Variants in TAF3 observed in about 807,000 individuals in gnomAD.
TAF3 encodes TATA-box binding protein associated factor 3.
A neutral mutation model predicts 80.6 loss-of-function variants in TAF3; 7 were observed. The ratio of observed to expected loss-of-function variants is 0.09; its 90% CI spans 0.05 to 0.16. The LOEUF is 0.16. Ranked by LOEUF, TAF3 falls within the 10% of genes least tolerant of loss-of-function variation. TAF3 has a pLI of 1.00. For missense variants in TAF3, 921 were observed against 1,140.2 expected (o/e 0.81, Z 2.77); for synonymous variants, 444 against 446.1 (o/e 1.00, Z 0.06).
chr10:7,945,507 C>A (rs530399954), intron 2 of TAF3, among the ~76,000 whole-genome samples: 3 of 152,190 alleles, frequency 2.0e-5, no homozygotes, highest in African/African-American at 7.2e-5. Context: ...ATCTTCCCTT[C>A]TTCTAGTTAA....
At chr10:7,943,041 G>A (rs191313276) in intron 2 of TAF3, among the ~76,000 whole-genome samples, 4 of 152,262 alleles carry the variant, frequency 2.6e-5, no homozygotes, top group African/African-American at 7.2e-5. Flanking sequence ...GTTTCTTTCT[G>A]TGTCTGTGTT....
At chr10:7,855,849 G>A (rs943345361) in intron 2 of TAF3, among the ~76,000 whole-genome samples, 1 of 151,768 alleles carries the variant, frequency 6.6e-6, no homozygotes, top group Admixed American at 6.6e-5. Flanking sequence ...AGGGAGGTAA[G>A]AGGCGGGAGG....
chr10:7,877,371 T>C (rs979182535), intron 2 of TAF3, among the ~76,000 whole-genome samples: 3 of 152,180 alleles, frequency 2.0e-5, no homozygotes, highest in African/African-American at 7.2e-5. Flanking sequence ...TAATAATTTC[T>C]CAATATTTTA....
chr10:7,891,237 T>A (rs1361950918), intron 2 of TAF3, among the ~76,000 whole-genome samples: 1 of 152,232 alleles, frequency 6.6e-6, no homozygotes, highest in Non-Finnish European at 1.5e-5. Context: ...AAGGAGTAAT[T>A]TTCTGAGTCT....
At chr10:7,864,230 C>T (rs1361513805) in intron 2 of TAF3, among the ~76,000 whole-genome samples, 4 of 152,156 alleles carry the variant, frequency 2.6e-5, no homozygotes. Flanking sequence ...CTGTGTTCTA[C>T]CTATTCTTCC....
chr10:7,848,424 C>T (rs1046806016), intron 2 of TAF3, among the ~76,000 whole-genome samples: 2 of 152,076 alleles, frequency 1.3e-5, no homozygotes, highest in African/African-American at 2.4e-5. Flanking sequence ...ACAGTGTGTT[C>T]AGATTAACTT....
intron 2 of TAF3, among the ~76,000 whole-genome samples, chr10:7,935,398 C>A (rs1588557731): frequency 6.6e-6 from 1 of 151,666 alleles, no homozygotes; most frequent in Middle Eastern, 3.4e-3. Context: ...GAGATCGAGA[C>A]CATGGTGAAA....
intron 6 of TAF3, among the ~76,000 whole-genome samples, chr10:8,014,389 C>G (rs141694679): frequency 6.6e-6 from 1 of 152,140 alleles, no homozygotes; most frequent in South Asian, 2.1e-4. Flanking sequence ...AGCCGTGGCT[C>G]GGAAGACTTC....
chr10:8,012,032 C>A (rs1588351075), intron 5 of TAF3, among the ~76,000 whole-genome samples: 1 of 152,080 alleles, frequency 6.6e-6, no homozygotes, highest in African/African-American at 2.4e-5. Flanking sequence ...CAAAAATTGG[C>A]TGGGCAGGGT....
intron 3 of TAF3, among the ~76,000 whole-genome samples, chr10:7,971,019 A>G (rs1347817236): frequency 1.3e-5 from 2 of 152,178 alleles, no homozygotes; most frequent in Non-Finnish European, 1.5e-5. Context: ...GTATGTTCCA[A>G]GAGAAAACAA....
chr10:7,826,760 A>T (rs1363751123), intron 2 of TAF3, among the ~76,000 whole-genome samples: 1 of 152,230 alleles, frequency 6.6e-6, no homozygotes, highest in African/African-American at 2.4e-5. Flanking sequence ...TCTCCTCTTC[A>T]TAAGAAAAGG....
At chr10:7,970,221 C>G (rs1831608997) in intron 3 of TAF3, among the ~76,000 whole-genome samples, 1 of 152,176 alleles carries the variant, frequency 6.6e-6, no homozygotes, top group Non-Finnish European at 1.5e-5. Flanking sequence ...ATTTTTTATC[C>G]TGTTGATTGA....
chr10:7,873,942 G>A (rs1371212113), intron 2 of TAF3, among the ~76,000 whole-genome samples: 1 of 152,282 alleles, frequency 6.6e-6, no homozygotes, highest in Non-Finnish European at 1.5e-5. Context: ...GATTACCGCT[G>A]TGTTTCCCCT....
intron 3 of TAF3, among the ~76,000 whole-genome samples, chr10:7,976,507 C>T (rs190927335): frequency 7.3e-5 from 11 of 151,344 alleles, no homozygotes; most frequent in South Asian, 2.1e-4. Context: ...CTCCGCCTCC[C>T]GGGTTCACAC....
Position 7,922,517 on chromosome 10 carries a change from G to A in TAF3, c.410-41403G>A, listed in dbSNP as rs147798256. Among the ~76,000 whole-genome samples the A allele has an allele frequency of 7.2e-3, 1,101 of 152,090 alleles. 9 individuals are homozygous for A. The highest frequency in any genetic ancestry group is 0.011 in the Non-Finnish European group (734 of 67,896). On this transcript the variant is annotated intron_variant, in intron 2 of 6. Coordinates refer to ENST00000344293, the MANE Select transcript of TAF3 (RefSeq NM_031923.4). ...ATCCCAAGACATTGCAAATTACAAC[G>A]TGCTGATTAATAAAGTAAGTTGTTC...
At chr10:8,011,299 T>C (rs893190862) in intron 5 of TAF3, among the ~76,000 whole-genome samples, 2 of 152,224 alleles carry the variant, frequency 1.3e-5, no homozygotes, top group African/African-American at 4.8e-5. Flanking sequence ...TTCTTGTCCA[T>C]ACTGGAATGC....
intron 3 of TAF3, among the ~76,000 whole-genome samples, chr10:7,968,935 G>A (rs1371092069): frequency 1.3e-5 from 2 of 152,098 alleles, no homozygotes; most frequent in Non-Finnish European, 2.9e-5. Flanking sequence ...GTTCCCCTTC[G>A]TGGGCAGTCA....
chr10:7,895,875 C>T (rs780524067), intron 2 of TAF3, among the ~76,000 whole-genome samples: 1 of 152,178 alleles, frequency 6.6e-6, no homozygotes, highest in Non-Finnish European at 1.5e-5. Context: ...GGGCTGCTTT[C>T]TCCCCACCCC....
chr10:7,997,124 C>T (rs752965946), intron 4 of TAF3, among the ~76,000 whole-genome samples: 8 of 152,138 alleles, frequency 5.3e-5, no homozygotes, highest in African/African-American at 1.7e-4. Context: ...GTTTTTTCAT[C>T]GACCTGATTT....
Sources: allele counts gnomAD v4.1 joint callset (sites outside exome capture counted in the v4.1 genomes callset), GRCh38; gene constraint gnomAD v4.1.1; transcripts MANE v1.5; gene names NCBI Gene and HGNC (gene_info 2026-07-23, HGNC 2026-07-21).